The following FAF1 variants were observed in gnomAD, a reference collection of about 807,000 sequenced individuals.
The protein encoded by FAF1 is Fas associated factor 1, also known as FAS-associated factor 1.
Under a neutral mutation model 92.5 loss-of-function variants are expected in FAF1, and 25 were observed. The ratio of observed to expected loss-of-function variants is 0.27; its 90% CI spans 0.20 to 0.38. The LOEUF (loss-of-function observed/expected upper bound fraction) is 0.38, where lower values mean the gene tolerates loss of function less well. FAF1 is among the 10% of genes least tolerant of loss of function. FAF1 has a pLI of 1.00. For synonymous variants in FAF1, 234 were observed against 273.2 expected, an observed-to-expected ratio of 0.86 and a Z score of 1.42; for missense variants, 636 against 793.3, an observed-to-expected ratio of 0.80 and a Z score of 2.38.
In FAF1 at chr1:50,875,703, G is replaced by A. The variant is rs563345400; in HGVS notation, c.46-17706C>T. Among the ~76,000 whole-genome samples the A allele has an allele frequency of 7.2e-5, 11 of 152,046 alleles. No homozygotes were observed. In the South Asian group the frequency reaches 1.0e-3, roughly 14 times the overall value. On this transcript the variant is annotated intron_variant, in intron 1 of 18. Coordinates refer to ENST00000396153, the MANE Select transcript of FAF1 (RefSeq NM_007051.3). ...CCTGATCTTGTGATCCACCCCCCTC[G>A]GCCTTCCAAAGTGCTGGGATTACAG...
At chr1:50,528,742 C>T (rs191427360) in intron 15 of FAF1, among the ~76,000 whole-genome samples, 9 of 152,136 alleles carry the variant, frequency 5.9e-5, no homozygotes, top group Middle Eastern at 3.4e-3. Flanking sequence ...AGTGTGCCTG[C>T]CTCTTCTGCC....
chr1:50,689,963 A>C (rs1182359244), intron 7 of FAF1, among the ~76,000 whole-genome samples: 1 of 148,142 alleles, frequency 6.8e-6, no homozygotes, highest in African/African-American at 2.5e-5. Flanking sequence ...TAGGAAGATC[A>C]TTGTGCTGTG....
At chr1:50,895,709 T>C (rs956450796) in intron 1 of FAF1, among the ~76,000 whole-genome samples, 3 of 152,214 alleles carry the variant, frequency 2.0e-5, no homozygotes, top group African/African-American at 7.2e-5. Flanking sequence ...AAGTGATATT[T>C]ATCCCAGAGA....
At chr1:50,874,863 G>A (rs114581994) in intron 1 of FAF1, among the ~76,000 whole-genome samples, 1,902 of 130,916 alleles carry the variant, frequency 0.015, 36 homozygotes, top group African/African-American at 0.051. Flanking sequence ...TCAACCTCCC[G>A]AGCTCAAGCA....
intron 2 of FAF1, among the ~76,000 whole-genome samples, chr1:50,807,370 A>C (rs1290976700): frequency 6.6e-6 from 1 of 152,268 alleles, no homozygotes; most frequent in East Asian, 1.9e-4. Flanking sequence ...AGTCCTCAGG[A>C]AACTTACAGT....
intron 1 of FAF1, among the ~76,000 whole-genome samples, chr1:50,942,129 G>A (rs965025762): frequency 3.3e-5 from 5 of 152,134 alleles, no homozygotes; most frequent in African/African-American, 1.2e-4. Flanking sequence ...TAACAACAAT[G>A]GCTGTTACAA....
At chr1:50,844,525 T>G (rs1644281885) in intron 2 of FAF1, among the ~76,000 whole-genome samples, 1 of 151,284 alleles carries the variant, frequency 6.6e-6, no homozygotes, top group Non-Finnish European at 1.5e-5. Context: ...TTGGCTTAAG[T>G]GTTAAAACTG....
intron 6 of FAF1, among the ~76,000 whole-genome samples, chr1:50,714,532 CA>C (rs993390680): frequency 1.3e-5 from 2 of 151,794 alleles, no homozygotes; most frequent in African/African-American, 4.8e-5. Flanking sequence ...AACAAAAAAC[CA>C]AAACAAACAA....
At chr1:50,893,576 C>A (rs1025913175) in intron 1 of FAF1, among the ~76,000 whole-genome samples, 1 of 152,132 alleles carries the variant, frequency 6.6e-6, no homozygotes, top group African/African-American at 2.4e-5. Context: ...TTGCTTGGAG[C>A]TGGGGGTGGG....
At chr1:50,765,417 A>G (rs1569909483) in intron 4 of FAF1, among the ~76,000 whole-genome samples, 1 of 152,204 alleles carries the variant, frequency 6.6e-6, no homozygotes, top group Non-Finnish European at 1.5e-5. Flanking sequence ...TCCTTAATTT[A>G]TAGTATTAAA....
intron 8 of FAF1, among the ~76,000 whole-genome samples, chr1:50,650,540 A>C (rs1193128843): frequency 6.6e-6 from 1 of 152,098 alleles, no homozygotes; most frequent in Non-Finnish European, 1.5e-5. Flanking sequence ...GAATCACTTG[A>C]ACCTGGGAGG....
chr1:50,663,345 T>C (rs555275851), intron 7 of FAF1, among the ~76,000 whole-genome samples: 36 of 151,652 alleles, frequency 2.4e-4, no homozygotes, highest in South Asian at 2.1e-4. Context: ...TCTGTTTTAA[T>C]AAGCTCTTTA....
intron 3 of FAF1, among the ~76,000 whole-genome samples, chr1:50,796,164 G>A (rs1462708524): frequency 6.6e-6 from 1 of 151,864 alleles, no homozygotes; most frequent in Non-Finnish European, 1.5e-5. Flanking sequence ...TATCAACTAT[G>A]GCCTTATGAC....
At chr1:50,494,393 T>C (rs889865103) in intron 15 of FAF1, among the ~76,000 whole-genome samples, 4 of 152,180 alleles carry the variant, frequency 2.6e-5, no homozygotes, top group African/African-American at 9.7e-5. Flanking sequence ...ATACTGTCCT[T>C]GTAGAGGTTC....
At chr1:50,665,945 G>C (rs1461637239) in intron 7 of FAF1, among the ~76,000 whole-genome samples, 1 of 152,074 alleles carries the variant, frequency 6.6e-6, no homozygotes, top group Non-Finnish European at 1.5e-5. Flanking sequence ...GGGAGGTCAA[G>C]GTGGGCGGAT....
intron 6 of FAF1, among the ~76,000 whole-genome samples, chr1:50,725,973 G>C (rs944133567): frequency 6.6e-6 from 1 of 152,068 alleles, no homozygotes; most frequent in African/African-American, 2.4e-5. Context: ...TATTAACTGG[G>C]GCCAGGCGCA....
chr1:50,924,344 G>A (rs1208774356), intron 1 of FAF1, among the ~76,000 whole-genome samples: 1 of 147,638 alleles, frequency 6.8e-6, no homozygotes, highest in Non-Finnish European at 1.5e-5. Flanking sequence ...CAACAACCTA[G>A]GAATCAATTT....
chr1:50,754,810 C>A lies in FAF1; in HGVS notation c.368-10035G>T, dbSNP rs184200728. Among the ~76,000 whole-genome samples the A allele has an allele frequency of 6.0e-3, 905 of 152,096 alleles. 5 individuals are homozygous for A. Among genetic ancestry groups the A allele is most frequent in the Non-Finnish European group, 9.8e-3 (667 of 67,980 alleles). ...GAGGCCCTATAATCATGGTGGAAGG[C>A]AAGGAGGAGCAAGTCACATCTTACA... On this transcript the variant is annotated intron_variant, in intron 4 of 18. Transcript: ENST00000396153.
intron 9 of FAF1, among the ~76,000 whole-genome samples, chr1:50,587,706 T>C (rs1349941141): frequency 6.6e-6 from 1 of 152,214 alleles, no homozygotes; most frequent in African/African-American, 2.4e-5. Flanking sequence ...CACTGTTAAG[T>C]GCTACGCTGT....
Sources: gnomAD v4.1 joint callset for allele counts (sites outside exome capture counted in the v4.1 genomes callset) on GRCh38, gnomAD v4.1.1 for gene constraint, MANE v1.5 for transcripts, NCBI Gene and HGNC (gene_info 2026-07-23, HGNC 2026-07-21) for gene names.